The following TENM3 variants were observed in gnomAD, a reference collection of about 807,000 sequenced individuals.
The protein encoded by TENM3 is teneurin-3.
A neutral mutation model predicts 255.1 loss-of-function variants in TENM3; 63 were observed. That is an observed-to-expected ratio of 0.25 (90% CI 0.20 to 0.30). The LOEUF (loss-of-function observed/expected upper bound fraction) is 0.30, where lower values mean the gene tolerates loss of function less well. TENM3 is among the 10% of genes least tolerant of loss of function. TENM3 has a pLI of 1.00. For synonymous variants in TENM3, 1,306 were observed against 1,322.3 expected (o/e 0.99, Z 0.27); for missense variants, 2,929 against 3,461.1 (o/e 0.85, Z 3.86).
the TENM3 span, among the ~76,000 whole-genome samples, chr4:181,931,491 A>C: frequency 6.6e-6 from 1 of 152,220 alleles, no homozygotes; most frequent in East Asian, 1.9e-4. Context: ...GGGAACTACA[A>C]ACCACTACTC....
chr4:182,591,787 T>C lies in TENM3; in HGVS notation c.512-9137T>C, dbSNP rs115264486. Among the ~76,000 whole-genome samples the C allele has an allele frequency of 4.7e-3, 723 of 152,316 alleles. 4 individuals are homozygous for C. Among genetic ancestry groups the C allele is most frequent in the African/African-American group, 0.015 (619 of 41,574 alleles). On this transcript the variant is annotated intron_variant, in intron 3 of 27. Transcript: ENST00000511685. Reference sequence around the variant, plus strand: ...AAAATGAGGTCTTTCTTTTCCAATTTTTATTATGCCATTTTAGGTGGTTAT... The same window carrying C: ...AAAATGAGGTCTTTCTTTTCCAATTCTTATTATGCCATTTTAGGTGGTTAT...
intron 3 of TENM3, among the ~76,000 whole-genome samples, chr4:182,516,418 A>G (rs1391762544): frequency 1.3e-5 from 2 of 152,222 alleles, no homozygotes; most frequent in Non-Finnish European, 2.9e-5. Flanking sequence ...TTAAAACAGA[A>G]AGTTCCAGGG....
intron 3 of TENM3, among the ~76,000 whole-genome samples, chr4:182,430,353 C>T (rs1771529921): frequency 6.6e-6 from 1 of 151,900 alleles, no homozygotes; most frequent in Admixed American, 6.6e-5. Flanking sequence ...TCAAGACCAT[C>T]CTGGCTAACA....
At chr4:182,329,488 G>A (rs959973536) in intron 2 of TENM3, among the ~76,000 whole-genome samples, 4 of 152,254 alleles carry the variant, frequency 2.6e-5, no homozygotes, top group Middle Eastern at 3.4e-3. Context: ...AATCTAACAC[G>A]ATTTCCCGCT....
At chr4:182,631,492 T>C (rs1242112061) in intron 5 of TENM3, 2 of 152,214 alleles carry the variant, frequency 1.3e-5, no homozygotes, top group Admixed American at 1.3e-4. Context: ...GTAAATCTTT[T>C]TTGATTAAAG....
At chr4:182,712,025 C>G (rs1201069913) in intron 12 of TENM3, among the ~76,000 whole-genome samples, 1 of 152,028 alleles carries the variant, frequency 6.6e-6, no homozygotes, top group Non-Finnish European at 1.5e-5. Flanking sequence ...TCCTGGTTAA[C>G]ATGTTGAGAG....
chr4:181,642,024 C>A, the TENM3 span, among the ~76,000 whole-genome samples: 1 of 151,364 alleles, frequency 6.6e-6, no homozygotes, highest in African/African-American at 2.4e-5. Context: ...ATTTCTAGTT[C>A]TAGGTCCTTG....
chr4:182,074,670 G>A, the TENM3 span, among the ~76,000 whole-genome samples: 374 of 152,314 alleles, frequency 2.5e-3, 1 homozygote, highest in African/African-American at 8.7e-3. Context: ...GGGTCAGAAT[G>A]TTTGGTTTGC....
chr4:182,098,471 G>A, the TENM3 span, among the ~76,000 whole-genome samples: 4 of 152,048 alleles, frequency 2.6e-5, no homozygotes, highest in African/African-American at 9.7e-5. Context: ...AAGAAAATAG[G>A]GTACATATAC....
At chr4:181,773,308 C>T in the TENM3 span, among the ~76,000 whole-genome samples, 1 of 152,120 alleles carries the variant, frequency 6.6e-6, no homozygotes, top group African/African-American at 2.4e-5. Flanking sequence ...GAGATACGGT[C>T]AATAGCAGCA....
chr4:182,689,672 C>T lies in TENM3; in HGVS notation c.2221+1321C>T, dbSNP rs190986492. Reference sequence around the variant, plus strand: ...ACTAGGAGAGGTCATGTGTAGCATGCTCCTTTTCCCAGCAGCGAAACGAAT... The same window carrying T: ...ACTAGGAGAGGTCATGTGTAGCATGTTCCTTTTCCCAGCAGCGAAACGAAT... On this transcript the variant is annotated intron_variant, in intron 12 of 27. Coordinates refer to ENST00000511685, the MANE Select transcript of TENM3 (RefSeq NM_001080477.4). Among the ~76,000 whole-genome samples, 336 of 152,296 alleles carry T rather than the reference C, an allele frequency of 2.2e-3. 1 individual carries two copies. Among genetic ancestry groups the T allele is most frequent in the African/African-American group, 7.5e-3 (311 of 41,566 alleles).
the TENM3 span, among the ~76,000 whole-genome samples, chr4:181,801,649 AAAATATATATATATATATATATATATAT>A: frequency 1.7e-4 from 19 of 113,418 alleles, no homozygotes; most frequent in African/African-American, 6.7e-4. Context: ...AAAGAATTGT[AAAATATATATATATATATATATATATAT>A]ATATATATAT....
chr4:181,780,640 A>G, the TENM3 span, among the ~76,000 whole-genome samples: 1 of 152,116 alleles, frequency 6.6e-6, no homozygotes, highest in African/African-American at 2.4e-5. Flanking sequence ...CTTTAGTTTA[A>G]TTAGATCCCA....
chr4:182,711,137 A>G (rs528357748), intron 12 of TENM3, among the ~76,000 whole-genome samples: 1 of 152,230 alleles, frequency 6.6e-6, no homozygotes, highest in Admixed American at 6.5e-5. Context: ...AAAATATTAC[A>G]TTTGCTCAAC....
At chr4:182,052,436 C>T in the TENM3 span, among the ~76,000 whole-genome samples, 2 of 152,078 alleles carry the variant, frequency 1.3e-5, no homozygotes, top group African/African-American at 4.8e-5. Context: ...CCACAGAGGC[C>T]AGCAGTGAAG....
intron 4 of TENM3, among the ~76,000 whole-genome samples, chr4:182,623,229 G>A (rs550616970): frequency 4.3e-4 from 65 of 151,920 alleles, no homozygotes; most frequent in African/African-American, 1.5e-3. Context: ...TAGCCAAGAT[G>A]GTCTCGATTT....
chr4:181,892,774 A>G, the TENM3 span, among the ~76,000 whole-genome samples: 2 of 152,056 alleles, frequency 1.3e-5, no homozygotes, highest in Non-Finnish European at 2.9e-5. Flanking sequence ...GGTTTTTCTC[A>G]TGTTCTGAAT....
In TENM3 at chr4:182,360,553, T is replaced by A. The variant is rs566699867; in HGVS notation, c.511+13624T>A. ...AGACTAGGATTGCAACCCCTGCCTT[T>A]TTTTCTTTTCCATTTGCTTGGTAGG... On this transcript the variant is annotated intron_variant, in intron 3 of 27. Coordinates refer to ENST00000511685, the MANE Select transcript of TENM3 (RefSeq NM_001080477.4). 2.0e-5 allele frequency among the ~76,000 whole-genome samples: 3 copies of A among 152,134 alleles called. No individual in the cohort carries two copies. The East Asian group carries it at 5.8e-4, about 29-fold the overall frequency.
the TENM3 span, among the ~76,000 whole-genome samples, chr4:181,562,534 A>G: frequency 1.3e-5 from 2 of 151,992 alleles, no homozygotes; most frequent in African/African-American, 4.8e-5. Context: ...GGACCCATGT[A>G]TTTTCCATCA....
Sources: allele counts gnomAD v4.1 joint callset (sites outside exome capture counted in the v4.1 genomes callset), GRCh38; gene constraint gnomAD v4.1.1; transcripts MANE v1.5; gene names NCBI Gene and HGNC (gene_info 2026-07-23, HGNC 2026-07-21).